The following NLRP14 variants were observed in gnomAD, a reference collection of about 807,000 sequenced individuals.
The protein encoded by NLRP14 is NLR family pyrin domain containing 14, also known as NACHT, LRR and PYD domains-containing protein 14.
Under a neutral mutation model 94.7 loss-of-function variants are expected in NLRP14, and 105 were observed. That is an observed-to-expected ratio of 1.11 (90% confidence interval 0.95 to 1.30). The LOEUF (loss-of-function observed/expected upper bound fraction) is 1.30, where lower values mean the gene tolerates loss of function less well. Ranked by LOEUF, NLRP14 falls within the 50% of genes most tolerant of loss-of-function variation. The probability of loss-of-function intolerance (pLI) is 0.00; values close to 1 mark genes in which losing one functional copy is unlikely to be tolerated. For synonymous variants in NLRP14, 508 were observed against 459.9 expected (o/e 1.10, Z -1.34); for missense variants, 1,362 against 1,254.1 (o/e 1.09, Z -1.30).
At chr11:7,084,024 C>A in the NLRP14 span, among the ~76,000 whole-genome samples, 1 of 152,192 alleles carries the variant, frequency 6.6e-6, no homozygotes. Context: ...AGGAAAATAG[C>A]ACATAATGTT....
At position 7,057,718 on chromosome 11, in the gene NLRP14, T is replaced by C. The variant is rs145609607; in HGVS notation, c.2333T>C (p.Ile778Thr). 7 of 1,612,704 alleles carry C rather than the reference T, an allele frequency of 4.3e-6. No individual in the cohort carries two copies. The highest frequency in any genetic ancestry group is 1.3e-5 in the African/African-American group (1 of 74,982). ...CTAACTGTATTTTGTTGTCTAAATATATCTAATGCTCTCATCAGAAGCCAG... is the reference window on the plus strand; with the variant it reads ...CTAACTGTATTTTGTTGTCTAAATACATCTAATGCTCTCATCAGAAGCCAG... ...CNLTVFCCLN[I>T]SNALIRSQSL... The change falls in exon 7 of 12, where the codon ATA becomes ACA. Residue 778 changes from isoleucine to threonine, a missense_variant. Physicochemically the swap from Ile to Thr is moderately conservative, Grantham distance 89. Coordinates refer to ENST00000299481, the MANE Select transcript of NLRP14 (RefSeq NM_176822.4).
intron 6 of NLRP14, among the ~76,000 whole-genome samples, chr11:7,053,157 T>C (rs1286820017): frequency 6.6e-6 from 1 of 152,174 alleles, no homozygotes; most frequent in Non-Finnish European, 1.5e-5. Context: ...AAGACTGTAA[T>C]TTATTTTCCC....
rs1182867498 is a variant in NLRP14 at position 7,026,719 on chromosome 11, C to T, written c.-22+5949C>T. 3.4e-5 allele frequency among the ~76,000 whole-genome samples: 5 copies of T among 149,198 alleles called. No homozygotes were observed. In the East Asian group the frequency reaches 9.9e-4, roughly 30 times the overall value. On this transcript the variant is annotated intron_variant, in intron 1 of 11. Transcript: ENST00000299481. ...GACACATGCACACGTATGTTTATTG[C>T]AGCACTATTCACAATAGCAAAGACT...
intron 3 of NLRP14, among the ~76,000 whole-genome samples, chr11:7,041,093 A>G (rs1852241387): frequency 6.6e-6 from 1 of 152,200 alleles, no homozygotes; most frequent in Non-Finnish European, 1.5e-5. Context: ...TTTCTCTGTG[A>G]GTATACCAAT....
intron 1 of NLRP14, among the ~76,000 whole-genome samples, chr11:7,022,863 T>G (rs982508506): frequency 6.6e-6 from 1 of 152,202 alleles, no homozygotes; most frequent in Non-Finnish European, 1.5e-5. Context: ...CCCCTCTCTA[T>G]CTGCCTATGA....
downstream of NLRP14, among the ~76,000 whole-genome samples, chr11:7,072,748 C>T (rs1165059517): frequency 6.6e-6 from 1 of 152,174 alleles, no homozygotes. Context: ...CATCTTGCTC[C>T]CCTTTGCACA....
the NLRP14 span, among the ~76,000 whole-genome samples, chr11:7,081,679 A>G: frequency 2.0e-5 from 3 of 152,236 alleles, no homozygotes; most frequent in Non-Finnish European, 4.4e-5. Flanking sequence ...ATGAGGAGGT[A>G]CATAAGGCAA....
chr11:7,050,075 A>C (rs1482338036), intron 6 of NLRP14, among the ~76,000 whole-genome samples: 1 of 151,602 alleles, frequency 6.6e-6, no homozygotes, highest in Non-Finnish European at 1.5e-5. Flanking sequence ...CCATCTCCTA[A>C]ATCTGCTGGT....
At chr11:7,069,253 T>A (rs1054749997) in intron 10 of NLRP14, among the ~76,000 whole-genome samples, 1 of 152,210 alleles carries the variant, frequency 6.6e-6, no homozygotes, top group Admixed American at 6.5e-5. Context: ...TCATAATTAG[T>A]GGGACTATCT....
At chr11:7,062,256 C>A in intron 9 of NLRP14, 77 bp from the exon 10 acceptor site, 1 of 1,211,712 alleles carries the variant, frequency 8.3e-7, no homozygotes, top group Non-Finnish European at 1.2e-6. Context: ...GTTCAAATAC[C>A]TGGGTATATC....
chr11:7,045,992 T>C (rs994682904), intron 4 of NLRP14, among the ~76,000 whole-genome samples: 4 of 152,148 alleles, frequency 2.6e-5, no homozygotes, highest in Admixed American at 6.6e-5. Flanking sequence ...GCCGCTCCAT[T>C]GTCGAGCTTA....
chr11:7,024,987 AAAAG>A (rs923919926), intron 1 of NLRP14, among the ~76,000 whole-genome samples: 22 of 152,158 alleles, frequency 1.4e-4, no homozygotes, highest in Admixed American at 6.5e-4. Flanking sequence ...GTTCTAGAAA[AAAAG>A]AAAGAGGAGT....
intron 6 of NLRP14, among the ~76,000 whole-genome samples, chr11:7,051,088 G>A (rs373143185): frequency 2.8e-4 from 42 of 152,314 alleles, no homozygotes; most frequent in African/African-American, 1.0e-3. Context: ...TCGTCCGCTG[G>A]TAAGCCTTGA....
intron 10 of NLRP14, among the ~76,000 whole-genome samples, chr11:7,066,666 C>T (rs1589874155): frequency 6.6e-6 from 1 of 152,148 alleles, no homozygotes; most frequent in African/African-American, 2.4e-5. Context: ...ATGACAGTTT[C>T]TTTTGCTGTA....
chr11:7,035,456 G>T (rs1330403222), intron 1 of NLRP14, among the ~76,000 whole-genome samples: 1 of 152,196 alleles, frequency 6.6e-6, no homozygotes, highest in Non-Finnish European at 1.5e-5. Context: ...AACTGTAGAA[G>T]ATCCAGGGTT....
intron 11 of NLRP14, 149 bp downstream of exon 11, chr11:7,070,605 A>C (rs1045822832): frequency 3.2e-6 from 2 of 624,830 alleles, no homozygotes; most frequent in Admixed American, 2.7e-5. Flanking sequence ...TAGAACACTG[A>C]ATATTGAGAG....
At position 7,043,860 on chromosome 11, in the gene NLRP14, A is replaced by G; in HGVS notation, c.1834A>G (p.Lys612Glu). 6.2e-7 allele frequency: 1 copy of G among 1,614,210 alleles called. No homozygotes were observed. The highest frequency in any genetic ancestry group is 8.5e-7 in the Non-Finnish European group (1 of 1,180,030). The change falls in exon 4 of 12, where the codon AAA becomes GAA. Residue 612 changes from lysine to glutamate, a missense_variant. Lys to Glu is a moderately conservative substitution (Grantham distance 56). Transcript: ENST00000299481. ...FPKVAINICEKIHLLVSSFCL... is the reference protein window; with the variant it reads ...FPKVAINICEEIHLLVSSFCL... The stretch of plus-strand genomic sequence containing the variant: ...AAAGGTTGCCATTAATATTTGTGAG[A>G]AAATACATTTGCTTGTATCTTCTTT...
intron 1 of NLRP14, among the ~76,000 whole-genome samples, chr11:7,034,962 T>G (rs1017943886): frequency 1.3e-5 from 2 of 152,116 alleles, no homozygotes; most frequent in African/African-American, 4.8e-5. Flanking sequence ...TATCTACTCT[T>G]TTTCTTTGAT....
intron 5 of NLRP14, among the ~76,000 whole-genome samples, chr11:7,048,061 T>C (rs1259097399): frequency 6.6e-6 from 1 of 152,158 alleles, no homozygotes; most frequent in African/African-American, 2.4e-5. Flanking sequence ...CACCTGGCTA[T>C]ATCCATCTTC....
Sources: gnomAD v4.1 joint callset for allele counts (sites outside exome capture counted in the v4.1 genomes callset) on GRCh38, gnomAD v4.1.1 for gene constraint, MANE v1.5 for transcripts, NCBI Gene and HGNC (gene_info 2026-07-23, HGNC 2026-07-21) for gene names.